The following IQCM variants were observed in gnomAD, a reference collection of about 807,000 sequenced individuals.
IQCM encodes the protein IQ motif containing M.
IQCM carries 45 observed loss-of-function variants against 57.6 expected under a neutral mutation model. The observed-to-expected ratio is 0.78, with a 90% CI of 0.62 to 1.00. The LOEUF is 1.00. IQCM is among the 50% of genes least tolerant of loss of function. The pLI is 0.00. For missense variants in IQCM, 468 were observed against 511.6 expected (o/e 0.91, Z 0.82); for synonymous variants, 148 against 158.9 (o/e 0.93, Z 0.51).
At chr4:149,644,085 C>T (rs1758432874) in intron 7 of IQCM, among the ~76,000 whole-genome samples, 1 of 152,104 alleles carries the variant, frequency 6.6e-6, no homozygotes, top group African/African-American at 2.4e-5. Context: ...GCAAACTGGG[C>T]CAGTTGGTCA....
intron 8 of IQCM, among the ~76,000 whole-genome samples, chr4:149,596,306 T>A (rs1004531427): frequency 2.6e-5 from 4 of 152,176 alleles, no homozygotes; most frequent in Non-Finnish European, 5.9e-5. Flanking sequence ...AAATAAAAGA[T>A]GTTGTTTAAT....
At chr4:149,568,550 G>C (rs1396360917) in intron 9 of IQCM, among the ~76,000 whole-genome samples, 2 of 152,116 alleles carry the variant, frequency 1.3e-5, no homozygotes, top group African/African-American at 4.8e-5. Context: ...ACTTAGGGAG[G>C]CTGCGGCAGG....
chr4:149,461,298 C>G (rs1738263923), intron 12 of IQCM, among the ~76,000 whole-genome samples: 2 of 147,994 alleles, frequency 1.4e-5, no homozygotes, highest in South Asian at 4.3e-4. Flanking sequence ...TAAAGAGTCA[C>G]AAGGAATGCT....
chr4:149,475,635 G>A (rs1231077466), intron 12 of IQCM, among the ~76,000 whole-genome samples: 4 of 151,996 alleles, frequency 2.6e-5, no homozygotes, highest in Admixed American at 6.6e-5. Flanking sequence ...TAGCACTGAG[G>A]GGGGAAGAAG....
At chr4:149,764,343 G>C (rs1377001963) in intron 2 of IQCM, among the ~76,000 whole-genome samples, 1 of 152,166 alleles carries the variant, frequency 6.6e-6, no homozygotes, top group Admixed American at 6.5e-5. Context: ...TAAGAGAAGA[G>C]ACTGACAAGT....
intron 13 of IQCM, among the ~76,000 whole-genome samples, chr4:149,415,150 T>A (rs1733654086): frequency 6.6e-6 from 1 of 152,214 alleles, no homozygotes; most frequent in African/African-American, 2.4e-5. Flanking sequence ...CACAGTTTCA[T>A]CATATTTAAA....
chr4:149,623,238 T>G (rs980788103), intron 7 of IQCM, among the ~76,000 whole-genome samples: 1 of 152,204 alleles, frequency 6.6e-6, no homozygotes, highest in South Asian at 2.1e-4. Flanking sequence ...GGTTAAATCT[T>G]ACAGGCAAAG....
intron 12 of IQCM, among the ~76,000 whole-genome samples, chr4:149,453,553 C>A (rs184198244): frequency 1.3e-4 from 20 of 151,846 alleles, no homozygotes; most frequent in Admixed American, 3.9e-4. Flanking sequence ...TGTTAATGGG[C>A]AAATTATTTG....
At chr4:149,364,710 TAA>T in intron 13 of IQCM, among the ~76,000 whole-genome samples, 1 of 152,160 alleles carries the variant, frequency 6.6e-6, no homozygotes, top group South Asian at 2.1e-4. Flanking sequence ...AAGAACATCA[TAA>T]AAAGTCAAAA....
chr4:149,728,783 A>G (rs1326726050), intron 5 of IQCM, among the ~76,000 whole-genome samples: 2 of 152,150 alleles, frequency 1.3e-5, no homozygotes, highest in Non-Finnish European at 2.9e-5. Flanking sequence ...GACACTAAAT[A>G]TTCATTCCTT....
chr4:149,634,159 G>A (rs1214657704), intron 7 of IQCM, among the ~76,000 whole-genome samples: 3 of 151,948 alleles, frequency 2.0e-5, no homozygotes, highest in Admixed American at 6.6e-5. Context: ...ATAGGTACAC[G>A]CCACCACACC....
At chr4:149,355,498 G>T (rs1160133940) in intron 13 of IQCM, among the ~76,000 whole-genome samples, 1 of 149,774 alleles carries the variant, frequency 6.7e-6, no homozygotes, top group Non-Finnish European at 1.5e-5. Flanking sequence ...GCGGTGTTTG[G>T]TTTTTTGTCC....
chr4:149,648,002 C>T (rs985661121), intron 7 of IQCM, among the ~76,000 whole-genome samples: 9 of 152,150 alleles, frequency 5.9e-5, no homozygotes, highest in African/African-American at 2.2e-4. Flanking sequence ...TTCTCTACTG[C>T]ATCCAATATG....
chr4:149,470,484 C>A (rs574360395), intron 12 of IQCM, among the ~76,000 whole-genome samples: 2 of 151,928 alleles, frequency 1.3e-5, no homozygotes, highest in African/African-American at 2.4e-5. Context: ...AAGTCCATAG[C>A]GACCTAGAAA....
intron 7 of IQCM, among the ~76,000 whole-genome samples, chr4:149,670,241 T>A (rs775706578): frequency 6.6e-6 from 1 of 152,198 alleles, no homozygotes; most frequent in South Asian, 2.1e-4. Flanking sequence ...TTGAAGCAAT[T>A]GTGAATGGGA....
At chr4:149,383,703 C>G (rs1311115909) in intron 13 of IQCM, among the ~76,000 whole-genome samples, 2 of 152,078 alleles carry the variant, frequency 1.3e-5, no homozygotes, top group Non-Finnish European at 2.9e-5. Flanking sequence ...TCTGTAATCC[C>G]AGCACTTTGG....
intron 12 of IQCM, among the ~76,000 whole-genome samples, chr4:149,451,143 G>T (rs1656470810): frequency 6.6e-6 from 1 of 151,630 alleles, no homozygotes; most frequent in African/African-American, 2.4e-5. Context: ...TCAAATAATT[G>T]AACTCATGGA....
intron 13 of IQCM, among the ~76,000 whole-genome samples, chr4:149,409,034 C>A (rs908495084): frequency 6.6e-6 from 1 of 152,178 alleles, no homozygotes; most frequent in Non-Finnish European, 1.5e-5. Context: ...AAATGATCAA[C>A]AACTCTCCAT....
At chr4:149,404,751 G>A (rs538903573) in intron 13 of IQCM, among the ~76,000 whole-genome samples, 57 of 152,082 alleles carry the variant, frequency 3.7e-4, no homozygotes, top group Non-Finnish European at 7.1e-4. Context: ...CTCCAAGGGT[G>A]TACAAAAAGA....
Sources: allele counts gnomAD v4.1 joint callset (sites outside exome capture counted in the v4.1 genomes callset), GRCh38; gene constraint gnomAD v4.1.1; transcripts MANE v1.5; gene names NCBI Gene and HGNC (gene_info 2026-07-23, HGNC 2026-07-21).